The following ARHGEF4 variants were observed in gnomAD, a reference collection of about 807,000 sequenced individuals.
ARHGEF4 encodes the protein Rho guanine nucleotide exchange factor 4.
In ARHGEF4, 119 loss-of-function variants were observed where a neutral mutation model predicts 162.0. That is an observed-to-expected ratio of 0.73 (90% CI 0.63 to 0.86). The LOEUF (loss-of-function observed/expected upper bound fraction) is 0.86. Ranked by LOEUF, ARHGEF4 falls within the 40% of genes least tolerant of loss-of-function variation. The pLI, the probability that ARHGEF4 is intolerant of heterozygous loss-of-function variation, is 0.00. For synonymous variants in ARHGEF4, 1,014 were observed against 979.9 expected, an observed-to-expected ratio of 1.03 and a Z score of -0.65; for missense variants, 2,488 against 2,456.0, an observed-to-expected ratio of 1.01 and a Z score of -0.28.
chr2:130,888,047 C>T (rs943307944), intron 1 of ARHGEF4, among the ~76,000 whole-genome samples: 4 of 152,148 alleles, frequency 2.6e-5, no homozygotes, highest in African/African-American at 4.8e-5. Flanking sequence ...CTTTTAAAAA[C>T]CTATTGGCTT....
intron 4 of ARHGEF4, among the ~76,000 whole-genome samples, chr2:130,974,084 ACAT>A (rs1685535011): frequency 1.3e-5 from 2 of 151,860 alleles, no homozygotes; most frequent in Admixed American, 1.3e-4. Flanking sequence ...AGCCTGGGCA[ACAT>A]GGCAAAACCT....
At chr2:131,045,308 C>A in intron 12 of ARHGEF4, 61 bp from the exon 13 acceptor site, 1 of 1,476,378 alleles carries the variant, frequency 6.8e-7, no homozygotes, top group Non-Finnish European at 9.4e-7. Flanking sequence ...TGCAGGTGTG[C>A]AGGGAACTGC....
intron 1 of ARHGEF4, among the ~76,000 whole-genome samples, chr2:130,872,452 AG>A (rs1314574727): frequency 6.6e-6 from 1 of 151,994 alleles, no homozygotes; most frequent in Non-Finnish European, 1.5e-5. Context: ...GGGTCCCCCC[AG>A]GCCCCCTGCC....
intron 11 of ARHGEF4, 48 bp downstream of exon 11, chr2:131,043,631 G>A (rs1278210656): frequency 2.5e-6 from 4 of 1,611,274 alleles, no homozygotes; most frequent in Non-Finnish European, 3.4e-6. Context: ...CAAGTGGAGG[G>A]AGGGGAGCTG....
chr2:130,845,065 G>A (rs564601950), intron 1 of ARHGEF4, among the ~76,000 whole-genome samples: 58 of 151,428 alleles, frequency 3.8e-4, no homozygotes, highest in African/African-American at 1.1e-3. Flanking sequence ...CTCATGATCC[G>A]CCCTCCTCAG....
At chr2:130,869,180 TAGAA>T (rs1170192378) in intron 1 of ARHGEF4, among the ~76,000 whole-genome samples, 3 of 152,098 alleles carry the variant, frequency 2.0e-5, no homozygotes, top group African/African-American at 4.8e-5. Flanking sequence ...ATTTGAGGCT[TAGAA>T]AGATCTGTCT....
In ARHGEF4 at chr2:130,925,396, A is replaced by G. The variant is rs535277834; in HGVS notation, c.3553-5556A>G. ...TCAATGGATAGTCTTTTCGAGAAAC[A>G]ATGCTGGAGCATTTGGACATCCAAA... On this transcript the variant is annotated intron_variant, in intron 2 of 13. Coordinates refer to ENST00000409359, the MANE Select transcript of ARHGEF4 (RefSeq NM_001367493.1). Among the ~76,000 whole-genome samples the G allele has an allele frequency of 2.0e-5, 3 of 152,312 alleles. No individual in the cohort carries two copies. The South Asian group carries it at 6.2e-4, about 32-fold the overall frequency.
intron 5 of ARHGEF4, among the ~76,000 whole-genome samples, chr2:131,038,229 T>TCC (rs1211490159): frequency 6.6e-6 from 1 of 151,290 alleles, no homozygotes; most frequent in Non-Finnish European, 1.5e-5. Context: ...CCCCAGCCCC[T>TCC]CCCTCCTGCA....
chr2:130,964,298 C>G, intron 4 of ARHGEF4: 1 of 978,978 alleles, frequency 1.0e-6, no homozygotes, highest in Non-Finnish European at 1.2e-6. Flanking sequence ...GCGCCCGGGT[C>G]TGTGCTCTTG....
At chr2:130,929,163 T>G (rs960299193) in intron 2 of ARHGEF4, among the ~76,000 whole-genome samples, 2 of 152,302 alleles carry the variant, frequency 1.3e-5, no homozygotes, top group East Asian at 3.9e-4. Flanking sequence ...ACCAGCTGTT[T>G]CTGATCCACA....
chr2:131,007,026 C>A (rs190488206), intron 4 of ARHGEF4, among the ~76,000 whole-genome samples: 1 of 152,132 alleles, frequency 6.6e-6, no homozygotes, highest in Non-Finnish European at 1.5e-5. Context: ...AAATACAAGG[C>A]ATAGGGTGTA....
intron 4 of ARHGEF4, among the ~76,000 whole-genome samples, chr2:131,004,981 C>T (rs1460695392): frequency 6.6e-6 from 1 of 152,118 alleles, no homozygotes; most frequent in Non-Finnish European, 1.5e-5. Flanking sequence ...GTGGTTGGTG[C>T]CCTGGGGCTT....
At chr2:130,912,660 G>A (rs372684586) in intron 1 of ARHGEF4, among the ~76,000 whole-genome samples, 2 of 152,246 alleles carry the variant, frequency 1.3e-5, no homozygotes, top group African/African-American at 4.8e-5. Context: ...CAATGGGGCT[G>A]AGTGCTTGGC....
chr2:131,034,990 C>A, intron 5 of ARHGEF4: 2 of 983,914 alleles, frequency 2.0e-6, no homozygotes, highest in Non-Finnish European at 2.4e-6. Context: ...AGCCCCAGGC[C>A]CGCGAGCGCA....
At chr2:131,009,935 C>T (rs1166916432) in intron 4 of ARHGEF4, among the ~76,000 whole-genome samples, 2 of 152,174 alleles carry the variant, frequency 1.3e-5, no homozygotes, top group Non-Finnish European at 2.9e-5. Flanking sequence ...TCTTTGGATT[C>T]TGTTGTTTCT....
intron 1 of ARHGEF4, among the ~76,000 whole-genome samples, chr2:130,878,903 A>G (rs907448939): frequency 6.6e-6 from 1 of 152,218 alleles, no homozygotes; most frequent in Admixed American, 6.5e-5. Context: ...GTGCCTGGCC[A>G]TTTTTTGGGC....
At position 131,040,069 on chromosome 2, in the gene ARHGEF4, C is replaced by G. The variant is rs771980255; in HGVS notation, c.4359C>G (p.Asn1453Lys). 4 of 1,597,960 alleles carry G rather than the reference C, an allele frequency of 2.5e-6. No homozygotes were observed. Among genetic ancestry groups the G allele is most frequent in the Non-Finnish European group, 3.4e-6 (4 of 1,172,776 alleles). ...PADDDAPLAG[N>K]SGAEDGGAEA... ...ATGACGACGCCCCTCTGGCCGGGAA[C>G]AGCGGAGCGGAGGACGGCGGGGCGG... The change falls in exon 7 of 14, where the codon AAC becomes AAG. Residue 1453 changes from asparagine to lysine, a missense_variant. Coordinates refer to ENST00000409359, the MANE Select transcript of ARHGEF4 (RefSeq NM_001367493.1).
chr2:130,856,754 GTAAC>G (rs1280932311), intron 1 of ARHGEF4, among the ~76,000 whole-genome samples: 6 of 152,260 alleles, frequency 3.9e-5, no homozygotes, highest in Middle Eastern at 3.4e-3. Flanking sequence ...GTATACATAT[GTAAC>G]TAACCTGCAC....
intron 1 of ARHGEF4, among the ~76,000 whole-genome samples, chr2:130,847,311 C>G (rs889325930): frequency 6.6e-6 from 1 of 152,164 alleles, no homozygotes; most frequent in Non-Finnish European, 1.5e-5. Context: ...TCGCTTTTCA[C>G]CTGGAGTATG....
Sources: allele counts gnomAD v4.1 joint callset (sites outside exome capture counted in the v4.1 genomes callset), GRCh38; gene constraint gnomAD v4.1.1; transcripts MANE v1.5; gene names NCBI Gene and HGNC (gene_info 2026-07-23, HGNC 2026-07-21).